ACOT12: variants seen among roughly 807,000 people sequenced by gnomAD.
ACOT12 encodes the protein acyl-CoA thioesterase 12.
In ACOT12, 51 loss-of-function variants were observed where a neutral mutation model predicts 67.7. That is an observed-to-expected ratio of 0.75 (90% confidence interval 0.60 to 0.95). The LOEUF is 0.95. Ranked by LOEUF, ACOT12 falls within the 40% of genes least tolerant of loss-of-function variation. The pLI is 0.00. For missense variants in ACOT12, 734 were observed against 708.1 expected (o/e 1.04, Z -0.41); for synonymous variants, 251 against 244.6 (o/e 1.03, Z -0.24).
the ACOT12 span, among the ~76,000 whole-genome samples, chr5:81,320,756 G>C: frequency 6.6e-6 from 1 of 152,120 alleles, no homozygotes; most frequent in Non-Finnish European, 1.5e-5. Context: ...TTCAGGTTTG[G>C]GAATTATTAG....
the ACOT12 span, among the ~76,000 whole-genome samples, chr5:81,309,976 A>G: frequency 6.6e-6 from 1 of 152,200 alleles, no homozygotes; most frequent in African/African-American, 2.4e-5. Flanking sequence ...GTATTTGCCT[A>G]AAGAATTTTT....
At chr5:81,324,348 AG>A in the ACOT12 span, among the ~76,000 whole-genome samples, 1 of 152,210 alleles carries the variant, frequency 6.6e-6, no homozygotes, top group Non-Finnish European at 1.5e-5. Context: ...TTTGACAAAA[AG>A]CCAATAGAAT....
At chr5:81,311,349 T>A in the ACOT12 span, 1 of 1,452,290 alleles carries the variant, frequency 6.9e-7, no homozygotes, top group East Asian at 2.3e-5. Context: ...CTGCACTTGT[T>A]ATTAATAACT....
chr5:81,371,157 T>C (rs1238712379), intron 3 of ACOT12, among the ~76,000 whole-genome samples: 7 of 152,194 alleles, frequency 4.6e-5, no homozygotes, highest in Admixed American at 4.6e-4. Flanking sequence ...TTATAAAGAA[T>C]TAAGACTGTC....
intron 13 of ACOT12, among the ~76,000 whole-genome samples, chr5:81,331,848 T>C (rs73134832): frequency 0.022 from 3,335 of 152,366 alleles, 123 homozygotes; most frequent in African/African-American, 0.076. Flanking sequence ...AGTCCCACTA[T>C]AGCTCCTTCA....
At chr5:81,319,864 G>A in the ACOT12 span, among the ~76,000 whole-genome samples, 1 of 146,758 alleles carries the variant, frequency 6.8e-6, no homozygotes, top group Non-Finnish European at 1.5e-5. Flanking sequence ...TCATTGGGAA[G>A]TTTTAAGCTA....
the ACOT12 span, chr5:81,312,655 A>G: frequency 1.2e-6 from 2 of 1,609,840 alleles, no homozygotes; most frequent in Non-Finnish European, 1.7e-6. Context: ...AAAGTTGTTA[A>G]TTTTTGATAA....
At chr5:81,362,514 C>G (rs1759946471) in intron 4 of ACOT12, among the ~76,000 whole-genome samples, 1 of 152,160 alleles carries the variant, frequency 6.6e-6, no homozygotes, top group African/African-American at 2.4e-5. Flanking sequence ...AGGGAGAAGT[C>G]TGAGGCTGGA....
chr5:81,378,394 C>T (rs942113325), intron 2 of ACOT12, among the ~76,000 whole-genome samples: 2 of 152,226 alleles, frequency 1.3e-5, no homozygotes, highest in Admixed American at 1.3e-4. Context: ...TAGAAAAAAA[C>T]CTAGGCAATA....
chr5:81,333,592 A>C (rs1758900406), intron 12 of ACOT12, among the ~76,000 whole-genome samples: 1 of 152,238 alleles, frequency 6.6e-6, no homozygotes, highest in Non-Finnish European at 1.5e-5. Flanking sequence ...GTCAAGTGAC[A>C]TAGAGATAGT....
chr5:81,347,235 C>T (rs1180542933), intron 6 of ACOT12, among the ~76,000 whole-genome samples: 3 of 152,086 alleles, frequency 2.0e-5, no homozygotes, highest in South Asian at 2.1e-4. Context: ...GTCCCACCTC[C>T]GCCTCCCAAC....
intron 3 of ACOT12, among the ~76,000 whole-genome samples, chr5:81,367,528 A>C (rs886996763): frequency 6.6e-6 from 1 of 152,220 alleles, no homozygotes; most frequent in Non-Finnish European, 1.5e-5. Flanking sequence ...TTAAGTAGTC[A>C]TATTGCAAAC....
chr5:81,352,326 T>C (rs1473176702), intron 5 of ACOT12, among the ~76,000 whole-genome samples: 1 of 152,226 alleles, frequency 6.6e-6, no homozygotes, highest in African/African-American at 2.4e-5. Context: ...TGCAGCCCTG[T>C]TCACAATAGC....
intron 2 of ACOT12, among the ~76,000 whole-genome samples, chr5:81,384,524 T>G (rs995208213): frequency 3.3e-5 from 5 of 152,170 alleles, no homozygotes; most frequent in African/African-American, 9.7e-5. Context: ...ATAGTCACCA[T>G]GTTATTATAA....
At chr5:81,312,177 A>G in the ACOT12 span, among the ~76,000 whole-genome samples, 1 of 152,208 alleles carries the variant, frequency 6.6e-6, no homozygotes, top group South Asian at 2.1e-4. Flanking sequence ...GATGTTGTAT[A>G]ATTTCACAGG....
chr5:81,382,249 G>A (rs1222492529), intron 2 of ACOT12, among the ~76,000 whole-genome samples: 6 of 152,130 alleles, frequency 3.9e-5, no homozygotes, highest in African/African-American at 1.4e-4. Flanking sequence ...CCATTTTGAT[G>A]TGATGTGCAC....
intron 1 of ACOT12, among the ~76,000 whole-genome samples, chr5:81,391,306 G>C (rs1760858589): frequency 2.0e-5 from 3 of 152,212 alleles, no homozygotes; most frequent in Admixed American, 1.3e-4. Flanking sequence ...CTTCAAACCA[G>C]CAAGCCTGTG....
chr5:81,333,074 A>G (rs1341415357), intron 12 of ACOT12, among the ~76,000 whole-genome samples: 1 of 150,244 alleles, frequency 6.7e-6, no homozygotes, highest in East Asian at 2.0e-4. Flanking sequence ...AAAAAAAAAA[A>G]AAAAGCCACA....
downstream of ACOT12, chr5:81,329,961 G>A (rs749636412): frequency 2.0e-5 from 3 of 153,638 alleles, no homozygotes; most frequent in Admixed American, 6.4e-5. Context: ...CCTGCTGCAC[G>A]AGGAAGAATG....
Sources: gnomAD v4.1 joint callset for allele counts (sites outside exome capture counted in the v4.1 genomes callset) on GRCh38, gnomAD v4.1.1 for gene constraint, MANE v1.5 for transcripts, NCBI Gene and HGNC (gene_info 2026-07-23, HGNC 2026-07-21) for gene names.